COL14A1: variants seen among roughly 807,000 people sequenced by gnomAD.
COL14A1 encodes collagen type XIV alpha 1 chain.
In COL14A1, 136 loss-of-function variants were observed where a neutral mutation model predicts 230.3. The ratio of observed to expected loss-of-function variants is 0.59; its 90% CI spans 0.51 to 0.68. The LOEUF (loss-of-function observed/expected upper bound fraction) is 0.68. Ranked by LOEUF, COL14A1 falls within the 30% of genes least tolerant of loss-of-function variation. The pLI is 0.00. For missense variants in COL14A1, 1,976 were observed against 2,215.8 expected, an observed-to-expected ratio of 0.89 and a Z score of 2.17; for synonymous variants, 792 against 784.1, an observed-to-expected ratio of 1.01 and a Z score of -0.17.
chr8:120,361,299 A>G (rs1403713932), intron 45 of COL14A1, among the ~76,000 whole-genome samples: 5 of 152,186 alleles, frequency 3.3e-5, no homozygotes, highest in African/African-American at 1.2e-4. Flanking sequence ...TGAAAAAGAC[A>G]ATAGGAAGAG....
At chr8:120,239,056 A>G (rs1186463861) in intron 19 of COL14A1, among the ~76,000 whole-genome samples, 3 of 152,192 alleles carry the variant, frequency 2.0e-5, no homozygotes, top group African/African-American at 4.8e-5. Context: ...CTATTTGGCC[A>G]TCTTGCCCAG....
chr8:120,206,217 T>A (rs1204368127), intron 9 of COL14A1, among the ~76,000 whole-genome samples: 3 of 152,222 alleles, frequency 2.0e-5, no homozygotes, highest in Non-Finnish European at 4.4e-5. Context: ...CTAACTTCAC[T>A]GTGCATTGAT....
Position 120,207,107 on chromosome 8 carries a change from G to A in COL14A1, c.1191+13G>A, listed in dbSNP as rs376022747. 6.2e-7 allele frequency: 1 copy of A among 1,600,170 alleles called. No individual in the cohort carries two copies. The highest frequency in any genetic ancestry group is 1.3e-5 in the African/African-American group (1 of 74,124). ...AAAACCAGACGAGGTAATAAGGAGA[G>A]AGTATTTTCAAACCATTCTTTTTAT... On this transcript the variant is annotated intron_variant, in intron 10 of 47. Transcript: ENST00000297848.
rs767514172 is a variant in COL14A1, at chr8:120,203,842, A to C, written c.1011A>C (p.Arg337Ser). Residue 337 changes from arginine (R) to serine (S), a missense_variant, in exon 9 of 48, where the codon AGA (arginine) becomes AGC (serine). Physicochemically the swap from Arg to Ser is moderately radical, Grantham distance 110. Coordinates refer to ENST00000297848, the MANE Select transcript of COL14A1 (RefSeq NM_021110.4). The stretch of plus-strand genomic sequence containing the variant: ...GTCTGACCAGGACTCTCTGCTCTAG[A>C]GTGGAAGAACAGGACAGAGAAATTA... ...VESLTRTLCSRVEEQDREIKA... is the reference protein window; with the variant it reads ...VESLTRTLCSSVEEQDREIKA... The C allele has an allele frequency of 6.2e-7, 1 of 1,613,774 alleles. No homozygotes were observed. Among genetic ancestry groups the C allele is most frequent in the Non-Finnish European group, 8.5e-7 (1 of 1,179,874 alleles).
chr8:120,343,201 T>C (rs965171242), intron 44 of COL14A1, among the ~76,000 whole-genome samples: 1 of 152,204 alleles, frequency 6.6e-6, no homozygotes, highest in African/African-American at 2.4e-5. Flanking sequence ...TGGTTACTAG[T>C]GTGGGCCCTT....
At chr8:120,156,616 A>G (rs923992269) in intron 2 of COL14A1, among the ~76,000 whole-genome samples, 5 of 152,238 alleles carry the variant, frequency 3.3e-5, no homozygotes, top group Admixed American at 2.0e-4. Flanking sequence ...ATAGCAATGT[A>G]TGTTTCGAAG....
rs375948231 is a variant in COL14A1 at position 120,348,306 on chromosome 8, C to CATAT, written c.5077+2758_5077+2761dup. ...GTATATATATGAAGCATATATAAAG[C>CATAT]ATATATATATATATATATGTATATG... On this transcript the variant is annotated intron_variant, in intron 45 of 47. Coordinates refer to ENST00000297848, the MANE Select transcript of COL14A1 (RefSeq NM_021110.4). 7.9e-4 allele frequency among the ~76,000 whole-genome samples: 110 copies of CATAT among 138,694 alleles called. 2 individuals are homozygous for CATAT. Among genetic ancestry groups the CATAT allele is most frequent in the African/African-American group, 2.7e-3 (100 of 37,688 alleles). 91.0% of individuals were successfully genotyped at this position (138,694 alleles called of 152,430 possible).
intron 5 of COL14A1, among the ~76,000 whole-genome samples, chr8:120,172,479 C>A (rs1397253443): frequency 2.6e-5 from 4 of 152,140 alleles, no homozygotes; most frequent in African/African-American, 9.7e-5. Flanking sequence ...CTTGTTTATA[C>A]TGACTTTCAT....
chr8:120,273,604 G>A (rs1488731769), intron 26 of COL14A1, among the ~76,000 whole-genome samples: 4 of 151,740 alleles, frequency 2.6e-5, no homozygotes, highest in Non-Finnish European at 4.4e-5. Flanking sequence ...AATGAAAATA[G>A]AGACATTACA....
Position 120,366,136 on chromosome 8 carries a change from T to C in COL14A1, c.5078-1035T>C, listed in dbSNP as rs554022185. On this transcript the variant is annotated intron_variant, in intron 45 of 47. Coordinates refer to ENST00000297848, the MANE Select transcript of COL14A1 (RefSeq NM_021110.4). ...TAAACTAAGATGTTAAAAGTGATTA[T>C]TTTCAAGTGCTAGCATCTTGCTTGT... is the stretch of plus-strand genomic sequence containing the variant. Among the ~76,000 whole-genome samples, 15 of 152,378 alleles carry C rather than the reference T, an allele frequency of 9.8e-5. No homozygotes were observed. In the South Asian group the frequency reaches 3.1e-3, roughly 32 times the overall value.
At chr8:120,225,287 C>A (rs528604205) in intron 15 of COL14A1, 73 bp downstream of exon 15, 8 of 1,301,190 alleles carry the variant, frequency 6.1e-6, no homozygotes, top group South Asian at 1.4e-5. Flanking sequence ...ACCTGGAGCA[C>A]CTTCTTTATT....
intron 40 of COL14A1, among the ~76,000 whole-genome samples, chr8:120,317,088 G>A (rs1445520407): frequency 6.6e-6 from 1 of 152,186 alleles, no homozygotes; most frequent in Non-Finnish European, 1.5e-5. Flanking sequence ...AGACATGTGA[G>A]CAGCTCCACA....
intron 5 of COL14A1, among the ~76,000 whole-genome samples, chr8:120,184,224 G>GATTGATTGATTT (rs1554603425): frequency 2.4e-4 from 32 of 135,572 alleles, no homozygotes; most frequent in African/African-American, 8.7e-4. Context: ...GGGGGGAAGA[G>GATTGATTGATTT]ATTTATTTAT....
intron 13 of COL14A1, among the ~76,000 whole-genome samples, chr8:120,213,308 C>A (rs941827067): frequency 2.6e-5 from 4 of 152,056 alleles, no homozygotes; most frequent in Non-Finnish European, 4.4e-5. Context: ...TGGCTCTATT[C>A]GTGATCTTTT....
intron 1 of COL14A1, among the ~76,000 whole-genome samples, chr8:120,138,580 G>A (rs1470198911): frequency 1.3e-5 from 2 of 152,070 alleles, no homozygotes; most frequent in African/African-American, 4.8e-5. Flanking sequence ...AAACTAATAG[G>A]AACTAAACTA....
At chr8:120,172,392 C>G (rs1174997934) in intron 5 of COL14A1, among the ~76,000 whole-genome samples, 2 of 152,150 alleles carry the variant, frequency 1.3e-5, no homozygotes, top group African/African-American at 2.4e-5. Flanking sequence ...CTCAGGTGAT[C>G]TACCTGCCTC....
intron 37 of COL14A1, among the ~76,000 whole-genome samples, chr8:120,313,350 A>C (rs545493962): frequency 6.6e-6 from 1 of 152,240 alleles, no homozygotes; most frequent in African/African-American, 2.4e-5. Flanking sequence ...ACAGAATGAG[A>C]CTCTGTCTCA....
At chr8:120,167,495 C>A (rs1279880304) in intron 4 of COL14A1, among the ~76,000 whole-genome samples, 6 of 152,126 alleles carry the variant, frequency 3.9e-5, no homozygotes, top group African/African-American at 1.2e-4. Context: ...AGCAGCTGTG[C>A]AGTTTTAAGG....
intron 1 of COL14A1, among the ~76,000 whole-genome samples, chr8:120,139,082 T>C (rs770792724): frequency 1.1e-4 from 16 of 152,334 alleles, no homozygotes; most frequent in South Asian, 4.1e-4. Flanking sequence ...TGCTTCTAAC[T>C]GTTAGAGCTG....
Sources: gnomAD v4.1 joint callset for allele counts (sites outside exome capture counted in the v4.1 genomes callset) on GRCh38, gnomAD v4.1.1 for gene constraint, MANE v1.5 for transcripts, NCBI Gene and HGNC (gene_info 2026-07-23, HGNC 2026-07-21) for gene names.